GPHN: variants seen among roughly 807,000 people sequenced by gnomAD.
GPHN encodes gephyrin.
A neutral mutation model predicts 95.5 loss-of-function variants in GPHN; 17 were observed. The observed-to-expected ratio is 0.18, with a 90% CI of 0.12 to 0.27. The LOEUF is 0.27. Ranked by LOEUF, GPHN falls within the 10% of genes least tolerant of loss-of-function variation. The pLI is 1.00. For synonymous variants in GPHN, 320 were observed against 322.5 expected (o/e 0.99, Z 0.08); for missense variants, 660 against 978.1 (o/e 0.67, Z 4.34).
At chr14:66,689,300 ATTG>A (rs2153405176) in intron 2 of GPHN, among the ~76,000 whole-genome samples, 1 of 152,170 alleles carries the variant, frequency 6.6e-6, no homozygotes, top group African/African-American at 2.4e-5. Context: ...AAATGATTAT[ATTG>A]TTTTTGTCCT....
At chr14:67,624,575 T>C in the GPHN span, among the ~76,000 whole-genome samples, 1 of 152,092 alleles carries the variant, frequency 6.6e-6, no homozygotes, top group Non-Finnish European at 1.5e-5. Flanking sequence ...TACACACTTT[T>C]AACCGGATCT....
the GPHN span, among the ~76,000 whole-genome samples, chr14:67,250,137 A>G: frequency 6.6e-6 from 1 of 152,194 alleles, no homozygotes; most frequent in Non-Finnish European, 1.5e-5. Flanking sequence ...GATAGACGAA[A>G]GTAACCCTTC....
chr14:66,706,455 C>A (rs1043454005), intron 2 of GPHN, among the ~76,000 whole-genome samples: 17 of 151,988 alleles, frequency 1.1e-4, no homozygotes, highest in Admixed American at 6.6e-5. Context: ...GTAGTGGTAC[C>A]AAAACAGGCA....
chr14:66,779,610 A>G (rs1448209946), intron 3 of GPHN, among the ~76,000 whole-genome samples: 6 of 152,168 alleles, frequency 3.9e-5, no homozygotes, highest in African/African-American at 1.4e-4. Flanking sequence ...TAGAAGGGAC[A>G]CCTGGACATT....
At chr14:66,996,177 G>T in intron 9 of GPHN, 1 of 1,533,188 alleles carries the variant, frequency 6.5e-7, no homozygotes, top group Non-Finnish European at 8.7e-7. Flanking sequence ...GCAAAACCAG[G>T]CTCGGCTTCC....
At chr14:67,226,123 C>A in the GPHN span, among the ~76,000 whole-genome samples, 2 of 152,170 alleles carry the variant, frequency 1.3e-5, no homozygotes, top group South Asian at 4.1e-4. Context: ...TTCTGTCCAC[C>A]CTTCTGTCAC....
intron 18 of GPHN, among the ~76,000 whole-genome samples, chr14:67,152,767 C>A (rs1311379233): frequency 2.0e-5 from 3 of 151,980 alleles, no homozygotes; most frequent in African/African-American, 7.3e-5. Context: ...GAGATTGAGA[C>A]CATCCTGGCC....
the GPHN span, among the ~76,000 whole-genome samples, chr14:67,324,892 C>G: frequency 1.5e-5 from 2 of 137,766 alleles, no homozygotes; most frequent in African/African-American, 2.8e-5. Context: ...CCCAGCCTTC[C>G]TTTCATTTTT....
intron 11 of GPHN, among the ~76,000 whole-genome samples, chr14:67,075,362 T>C (rs2076456515): frequency 6.6e-6 from 1 of 152,194 alleles, no homozygotes; most frequent in Admixed American, 6.5e-5. Flanking sequence ...CTATTATTGA[T>C]ATTGCATCTA....
chr14:67,605,330 C>T, the GPHN span, among the ~76,000 whole-genome samples: 1 of 152,000 alleles, frequency 6.6e-6, no homozygotes, highest in East Asian at 1.9e-4. Context: ...AAATGATGTA[C>T]ATTAAAAATT....
intron 18 of GPHN, among the ~76,000 whole-genome samples, chr14:67,151,846 G>C (rs1402071598): frequency 1.3e-5 from 2 of 152,048 alleles, no homozygotes; most frequent in Non-Finnish European, 2.9e-5. Flanking sequence ...GTTTCACCAT[G>C]TTGGCCAAGC....
intron 1 of GPHN, among the ~76,000 whole-genome samples, chr14:66,584,871 C>A (rs993283359): frequency 2.6e-5 from 4 of 152,088 alleles, no homozygotes; most frequent in Middle Eastern, 3.4e-3. Context: ...TGTCTCTGCC[C>A]GGCTTTGGTA....
the GPHN span, among the ~76,000 whole-genome samples, chr14:67,315,509 C>T: frequency 1.3e-5 from 2 of 152,074 alleles, no homozygotes; most frequent in Non-Finnish European, 1.5e-5. Context: ...ATCTCCTGAC[C>T]TCGTGATCTG....
At chr14:66,917,572 A>G (rs2065979596) in intron 6 of GPHN, among the ~76,000 whole-genome samples, 1 of 152,148 alleles carries the variant, frequency 6.6e-6, no homozygotes, top group African/African-American at 2.4e-5. Flanking sequence ...AGGTTTGGCC[A>G]CTGTGCTGAT....
At chr14:66,623,807 G>T (rs868109562) in intron 1 of GPHN, among the ~76,000 whole-genome samples, 1 of 151,956 alleles carries the variant, frequency 6.6e-6, no homozygotes, top group Non-Finnish European at 1.5e-5. Flanking sequence ...TTGGATACGG[G>T]TTACCAGATC....
chr14:67,500,148 A>C, the GPHN span, among the ~76,000 whole-genome samples: 5 of 152,134 alleles, frequency 3.3e-5, no homozygotes, highest in South Asian at 1.0e-3. Flanking sequence ...TGGGCAACAG[A>C]GTGAGACCCT....
intron 2 of GPHN, among the ~76,000 whole-genome samples, chr14:66,722,961 T>C: frequency 6.6e-6 from 1 of 152,176 alleles, no homozygotes; most frequent in South Asian, 2.1e-4. Flanking sequence ...ACACTCTTTT[T>C]CCCTTAACAA....
intron 4 of GPHN, among the ~76,000 whole-genome samples, chr14:66,879,102 C>G (rs558299332): frequency 1.3e-5 from 2 of 152,144 alleles, no homozygotes; most frequent in South Asian, 4.2e-4. Flanking sequence ...CAAACTAACA[C>G]AGGAACAGAA....
intron 8 of GPHN, among the ~76,000 whole-genome samples, chr14:66,936,632 G>C (rs369435053): frequency 6.6e-6 from 1 of 152,130 alleles, no homozygotes; most frequent in Non-Finnish European, 1.5e-5. Flanking sequence ...TTTTATAAAG[G>C]TTGAGTTATA....
Sources: allele counts gnomAD v4.1 joint callset (sites outside exome capture counted in the v4.1 genomes callset), GRCh38; gene constraint gnomAD v4.1.1; transcripts MANE v1.5; gene names NCBI Gene and HGNC (gene_info 2026-07-23, HGNC 2026-07-21).